ADCYAP1R1: variants seen among roughly 807,000 people sequenced by gnomAD.
ADCYAP1R1 encodes pituitary adenylate cyclase-activating polypeptide type I receptor.
A neutral mutation model predicts 67.6 loss-of-function variants in ADCYAP1R1; 44 were observed. The ratio of observed to expected loss-of-function variants is 0.65; its 90% confidence interval spans 0.51 to 0.84. The LOEUF (loss-of-function observed/expected upper bound fraction) is 0.84. ADCYAP1R1 is among the 40% of genes least tolerant of loss of function. The pLI is 0.00. For synonymous variants in ADCYAP1R1, 222 were observed against 219.6 expected (o/e 1.01, Z -0.10); for missense variants, 477 against 587.9 (o/e 0.81, Z 1.95).
At chr7:31,055,530 A>G (rs1027891675) in intron 1 of ADCYAP1R1, among the ~76,000 whole-genome samples, 1 of 152,210 alleles carries the variant, frequency 6.6e-6, no homozygotes. Context: ...GTTCTGATAC[A>G]TTTTATTTAT....
intron 15 of ADCYAP1R1, 38 bp from the exon 16 acceptor site, chr7:31,106,458 G>T: frequency 6.4e-7 from 1 of 1,568,190 alleles, no homozygotes; most frequent in Non-Finnish European, 8.7e-7. Context: ...TGCAGAGGAT[G>T]TCCATCTGGA....
Position 31,068,633 on chromosome 7 carries a change from G to C in ADCYAP1R1, c.157+3697G>C, listed in dbSNP as rs141879620. ...GTGTTTGTGTTTCTAAGGCCCAGGAGAGAATGAGGTCTCGGCCTCTAATGA... is the reference window on the plus strand; with the variant it reads ...GTGTTTGTGTTTCTAAGGCCCAGGACAGAATGAGGTCTCGGCCTCTAATGA... On this transcript the variant is annotated intron_variant, in intron 3 of 15. Coordinates refer to ENST00000304166, the MANE Select transcript of ADCYAP1R1 (RefSeq NM_001118.5). Among the ~76,000 whole-genome samples the C allele has an allele frequency of 3.8e-3, 586 of 152,318 alleles. 5 individuals are homozygous for C. Among genetic ancestry groups the C allele is most frequent in the African/African-American group, 0.014 (572 of 41,562 alleles).
At position 31,070,022 on chromosome 7, in the gene ADCYAP1R1, AGGT is replaced by A. The variant is rs1794907625; in HGVS notation, c.157+5093_157+5095del. 1.3e-5 allele frequency among the ~76,000 whole-genome samples: 2 copies of A among 152,172 alleles called. 1 individual carries two copies. Among genetic ancestry groups the A allele is most frequent in the Admixed American group, 1.3e-4 (2 of 15,286 alleles). On this transcript the variant is annotated intron_variant, in intron 3 of 15. Transcript: ENST00000304166. The stretch of plus-strand genomic sequence containing the variant: ...TGATGCCCACAGAGGCTGAGGCCAG[AGGT>A]GGTGGTCATTGGCCAACCACATTGG...
At chr7:31,095,717 C>G in intron 13 of ADCYAP1R1, 1 of 718,108 alleles carries the variant, frequency 1.4e-6, no homozygotes. Context: ...GACCCCCTGC[C>G]TGTGCCCTCA....
At chr7:31,094,376 T>C (rs1796098178) in intron 13 of ADCYAP1R1, among the ~76,000 whole-genome samples, 1 of 152,064 alleles carries the variant, frequency 6.6e-6, no homozygotes, top group South Asian at 2.1e-4. Context: ...TCCTGTCTAG[T>C]GTTGGACACT....
chr7:31,068,211 G>GCA (rs1794827403), intron 3 of ADCYAP1R1, among the ~76,000 whole-genome samples: 1 of 136,064 alleles, frequency 7.3e-6, no homozygotes, highest in Non-Finnish European at 1.6e-5. Flanking sequence ...ACGCATGTGC[G>GCA]CGCGCACACA....
intron 12 of ADCYAP1R1, 36 bp downstream of exon 12, chr7:31,087,732 C>T (rs1458154462): frequency 1.3e-6 from 2 of 1,588,950 alleles, no homozygotes; most frequent in Non-Finnish European, 1.7e-6. Flanking sequence ...AGGGAAGAGA[C>T]AGGGTCTTGG....
rs371697914 is a variant in ADCYAP1R1, at chr7:31,078,059, A to G, written c.226A>G (p.Ser76Gly). The G allele has an allele frequency of 6.2e-7, 1 of 1,613,112 alleles. No individual in the cohort carries two copies. Among genetic ancestry groups the G allele is most frequent in the Non-Finnish European group, 8.5e-7 (1 of 1,179,458 alleles). ...CCATGTGGGTGAGATGGTCCTGGTC[A>G]GCTGCCCTGAGCTCTTCCGAATCTT... ...PAHVGEMVLVSCPELFRIFNP... is the reference protein window; with the variant it reads ...PAHVGEMVLVGCPELFRIFNP... The change falls in exon 4 of 16, where the codon AGC (serine) becomes GGC (glycine). Residue 76 changes from serine to glycine, a missense_variant. Transcript: ENST00000304166.
chr7:31,094,906 T>C (rs1796128519), intron 13 of ADCYAP1R1, among the ~76,000 whole-genome samples: 1 of 152,172 alleles, frequency 6.6e-6, no homozygotes, highest in Non-Finnish European at 1.5e-5. Context: ...ATCTTTTTTT[T>C]TTAGAGAAAG....
chr7:31,105,148 C>T (rs529467385), intron 15 of ADCYAP1R1, among the ~76,000 whole-genome samples: 2 of 152,260 alleles, frequency 1.3e-5, no homozygotes, highest in Non-Finnish European at 2.9e-5. Flanking sequence ...GCTAAGGCCC[C>T]ACCCAAAGAG....
rs777449969 is a variant in ADCYAP1R1, at chr7:31,086,378, C to T, written c.670-6C>T. ...ACGCCCCTCACCCTGGCGCTTCTCC[C>T]TGCAGGTGGAATGTAAGGCCGTCAT... On this transcript the variant is annotated splice_region_variant and splice_polypyrimidine_tract_variant and intron_variant, in intron 9 of 15. Transcript: ENST00000304166. This position sits in a 1 kb window ranked among gnomAD's most constrained non-coding sequence, Gnocchi z 5.0. 27 of 1,613,680 alleles carry T rather than the reference C, an allele frequency of 1.7e-5. No homozygotes were observed. In the East Asian group the frequency reaches 5.6e-4, roughly 33 times the overall value.
At chr7:31,063,584 A>C (rs1287756934) in intron 2 of ADCYAP1R1, among the ~76,000 whole-genome samples, 1 of 152,172 alleles carries the variant, frequency 6.6e-6, no homozygotes, top group Non-Finnish European at 1.5e-5. Flanking sequence ...AACCTGCTCA[A>C]CTGAATGCAG....
At position 31,102,554 on chromosome 7, in the gene ADCYAP1R1, G is replaced by A. The variant is rs1221208403; in HGVS notation, c.1047-683G>A. 6.6e-6 allele frequency among the ~76,000 whole-genome samples: 1 copy of A among 152,178 alleles called. No individual in the cohort carries two copies. Among genetic ancestry groups the A allele is most frequent in the Non-Finnish European group, 1.5e-5 (1 of 68,030 alleles). ...CCTCAGGAAGCACTGCAGTCCTCCGGCCCTTCCTCCCCTGCCTGGCCCACT... is the reference window on the plus strand; with the variant it reads ...CCTCAGGAAGCACTGCAGTCCTCCGACCCTTCCTCCCCTGCCTGGCCCACT... On this transcript the variant is annotated intron_variant, in intron 13 of 15. Transcript: ENST00000304166. This position sits in a 1 kb window ranked among gnomAD's most constrained non-coding sequence, Gnocchi z 4.3.
intron 3 of ADCYAP1R1, among the ~76,000 whole-genome samples, chr7:31,073,783 G>C (rs949927841): frequency 6.6e-6 from 1 of 152,190 alleles, no homozygotes; most frequent in East Asian, 1.9e-4. Context: ...CAGCAATGCA[G>C]GCTAGAGGGC....
At chr7:31,057,088 C>G (rs369371455) in intron 1 of ADCYAP1R1, 2 of 152,276 alleles carry the variant, frequency 1.3e-5, no homozygotes, top group African/African-American at 2.4e-5. Flanking sequence ...CCTCTCCACA[C>G]CACACCCCCT....
chr7:31,057,730 G>A (rs916196285), intron 1 of ADCYAP1R1, among the ~76,000 whole-genome samples: 1 of 152,228 alleles, frequency 6.6e-6, no homozygotes, highest in Admixed American at 6.5e-5. Context: ...GAGGGGGGCA[G>A]TGTTTCATCT....
Position 31,092,729 on chromosome 7 carries a change from T to C in ADCYAP1R1, c.1040T>C (p.Ile347Thr). 1 of 1,611,304 alleles carries C rather than the reference T, an allele frequency of 6.2e-7. No individual in the cohort carries two copies. The highest frequency in any genetic ancestry group is 2.2e-5 in the East Asian group (1 of 44,850). ...SPDMGGNESS[I>T]YLRLARSTLL... Reference sequence around the variant, plus strand: ...GACATGGGAGGCAATGAGTCCAGCATCTACTTGTAAGTACCATTGTGTGGC... The same window carrying C: ...GACATGGGAGGCAATGAGTCCAGCACCTACTTGTAAGTACCATTGTGTGGC... The change falls in exon 13 of 16, where the codon ATC (isoleucine) becomes ACC (threonine). Residue 347 changes from isoleucine (I) to threonine (T), a missense_variant. Coordinates refer to ENST00000304166, the MANE Select transcript of ADCYAP1R1 (RefSeq NM_001118.5).
chr7:31,087,073 C>T (rs1584519892), intron 11 of ADCYAP1R1, 70 bp downstream of exon 11: 2 of 1,548,846 alleles, frequency 1.3e-6, no homozygotes, highest in East Asian at 2.2e-5. Flanking sequence ...TCAGTAGCTG[C>T]CCTGACTTCA....
intron 3 of ADCYAP1R1, among the ~76,000 whole-genome samples, chr7:31,069,355 G>A (rs567982765): frequency 3.9e-5 from 6 of 152,178 alleles, no homozygotes; most frequent in Non-Finnish European, 8.8e-5. Flanking sequence ...TGGTCCCCAA[G>A]CACACACGCC....
Sources: allele counts gnomAD v4.1 joint callset (sites outside exome capture counted in the v4.1 genomes callset), GRCh38; gene constraint gnomAD v4.1.1; non-coding constraint Gnocchi (gnomAD v3.1); transcripts MANE v1.5; gene names NCBI Gene and HGNC (gene_info 2026-07-23, HGNC 2026-07-21).